The following VPS13D variants were observed in gnomAD, a reference collection of about 807,000 sequenced individuals.
VPS13D encodes the protein vacuolar protein sorting 13 homolog D.
Under a neutral mutation model 461.9 loss-of-function variants are expected in VPS13D, and 187 were observed. The observed-to-expected ratio is 0.40, with a 90% confidence interval of 0.36 to 0.46. The LOEUF (loss-of-function observed/expected upper bound fraction) is 0.46, where lower values mean the gene tolerates loss of function less well. VPS13D is among the 20% of genes least tolerant of loss of function. VPS13D has a pLI of 0.60. For missense variants in VPS13D, 4,711 were observed against 5,364.9 expected (o/e 0.88, Z 3.81); for synonymous variants, 1,951 against 1,986.3 (o/e 0.98, Z 0.47).
At chr1:12,428,471 T>A (rs1331738147) in intron 65 of VPS13D, among the ~76,000 whole-genome samples, 1 of 152,202 alleles carries the variant, frequency 6.6e-6, no homozygotes, top group Non-Finnish European at 1.5e-5. Context: ...AGGAGCCACA[T>A]TGGAGAAGTC....
rs765200049 is a variant in VPS13D, at chr1:12,378,578, G to T, written c.11068G>T (p.Val3690Leu). The T allele has an allele frequency of 6.3e-7, 1 of 1,581,002 alleles. No homozygotes were observed. The change falls in exon 56 of 70, where the codon GTG (valine) becomes TTG (leucine). Residue 3690 changes from valine (V) to leucine (L), a missense_variant. By Grantham distance (32) the Val-to-Leu change is conservative. This residue lies in a region of VPS13D where 4,411 missense variants were observed against 4,937.8 expected (regional missense o/e 0.89). Coordinates refer to ENST00000620676, the MANE Select transcript of VPS13D (RefSeq NM_015378.4). ...CTTAGATATTGCTGGTCTCGCTGCA[G>T]TGACTGACAACAGGTAATTTTCTAG... ...AILDIAGLAA[V>L]TDNRYEPLML...
chr1:12,291,475 C>A (rs953303932), intron 23 of VPS13D, among the ~76,000 whole-genome samples: 1 of 152,018 alleles, frequency 6.6e-6, no homozygotes, highest in Non-Finnish European at 1.5e-5. Context: ...AGAAAAAAGC[C>A]GTCTGTGTGT....
At chr1:12,250,327 G>C (rs868607343) in intron 6 of VPS13D, among the ~76,000 whole-genome samples, 1 of 152,144 alleles carries the variant, frequency 6.6e-6, no homozygotes, top group African/African-American at 2.4e-5. Flanking sequence ...CCTGTCTAGG[G>C]ACCCCAACAA....
intron 48 of VPS13D, 112 bp from the exon 49 acceptor site, chr1:12,356,286 A>G (rs1054558358): frequency 1.7e-5 from 25 of 1,437,046 alleles, no homozygotes; most frequent in Non-Finnish European, 2.3e-5. Flanking sequence ...AGCCCACTAA[A>G]TAGATTCAGT....
chr1:12,256,244 CTGTT>C, intron 7 of VPS13D, 85 bp from the exon 8 acceptor site: 1 of 1,455,822 alleles, frequency 6.9e-7, no homozygotes, highest in Non-Finnish European at 9.3e-7. Flanking sequence ...CTGAGCTCCA[CTGTT>C]TGTCATAAAA....
chr1:12,402,314 C>T (rs1314429983), intron 62 of VPS13D, among the ~76,000 whole-genome samples: 8 of 152,188 alleles, frequency 5.3e-5, no homozygotes, highest in Non-Finnish European at 1.0e-4. Flanking sequence ...TGCTTCTTTT[C>T]GATTCCTCAT....
chr1:12,302,403 A>G (rs1223085546), intron 25 of VPS13D, among the ~76,000 whole-genome samples: 1 of 152,172 alleles, frequency 6.6e-6, no homozygotes, highest in Non-Finnish European at 1.5e-5. Flanking sequence ...TATCAGATAT[A>G]TCTATGTATG....
chr1:12,332,028 A>G (rs1478007617), intron 37 of VPS13D, among the ~76,000 whole-genome samples: 1 of 152,226 alleles, frequency 6.6e-6, no homozygotes, highest in Non-Finnish European at 1.5e-5. Context: ...CATTTTTCAC[A>G]CCCAAGAGAT....
chr1:12,311,772 G>A, intron 28 of VPS13D, 41 bp from the exon 29 acceptor site: 3 of 1,593,010 alleles, frequency 1.9e-6, no homozygotes, highest in African/African-American at 1.3e-5. Flanking sequence ...TTTTAGGATG[G>A]CATCATCAGC....
At position 12,379,430 on chromosome 1, in the gene VPS13D, C is replaced by T. The variant is rs911210357; in HGVS notation, c.11082-58C>T. ...AAAGCCATCATCCTCATGTTCCCTT[C>T]AGGCGTGAAACAGTTGACTCGGAGG... is the stretch of plus-strand genomic sequence containing the variant. On this transcript the variant is annotated intron_variant, in intron 56 of 69. Coordinates refer to ENST00000620676, the MANE Select transcript of VPS13D (RefSeq NM_015378.4). 48 of 1,495,224 alleles carry T rather than the reference C, an allele frequency of 3.2e-5. No homozygotes were observed. In the African/African-American group the frequency reaches 6.5e-4, roughly 20 times the overall value. 92.6% of individuals were successfully genotyped at this position (1,495,224 alleles called of 1,614,324 possible). A position where few individuals can be genotyped will look rare whatever the true frequency, so the allele number is the denominator to read the frequency against.
In VPS13D at chr1:12,256,214, C is replaced by T. The variant is rs72864973; in HGVS notation, c.670-119C>T. Reference sequence around the variant, plus strand: ...AAACAAAACAGACAAAAATATTTGCCGCTGTGACACAGCCTATGGCTGAGC... The same window carrying T: ...AAACAAAACAGACAAAAATATTTGCTGCTGTGACACAGCCTATGGCTGAGC... On this transcript the variant is annotated intron_variant, in intron 7 of 69. Transcript: ENST00000620676. 1,055 of 1,131,666 alleles carry T rather than the reference C, an allele frequency of 9.3e-4. 10 individuals are homozygous for T. The African/African-American group carries it at 0.014, about 15-fold the overall frequency. 70.1% of individuals were successfully genotyped at this position (1,131,666 alleles called of 1,614,324 possible).
chr1:12,357,134 G>C (rs1438437393), intron 49 of VPS13D, among the ~76,000 whole-genome samples: 1 of 152,208 alleles, frequency 6.6e-6, no homozygotes, highest in Admixed American at 6.5e-5. Flanking sequence ...CTTTTTACAA[G>C]AGTCTTTTAA....
In VPS13D at chr1:12,368,490, T is replaced by C. The variant is rs1644070474; in HGVS notation, c.10471T>C (p.Phe3491Leu). 1.2e-6 allele frequency: 2 copies of C among 1,612,770 alleles called. No homozygotes were observed. The highest frequency in any genetic ancestry group is 1.7e-6 in the Non-Finnish European group (2 of 1,179,388). The change falls in exon 53 of 70, where the codon TTC becomes CTC. Residue 3491 changes from phenylalanine (F) to leucine (L), a missense_variant. Physicochemically the swap from Phe to Leu is conservative, Grantham distance 22. Around this residue, in one of 3 missense-constraint regions of VPS13D, gnomAD observed 4,411 missense variants for 4,937.8 expected, o/e 0.89. Transcript: ENST00000620676. ...NMRDTLGKCF[F>L]LRVEITLRGA... ...CAGGGATACCTTGGGAAAATGCTTCTTCCTACGAGTGGAAATTACTCTCCG... is the reference window on the plus strand; with the variant it reads ...CAGGGATACCTTGGGAAAATGCTTCCTCCTACGAGTGGAAATTACTCTCCG...
chr1:12,255,750 G>T (rs1252659624), intron 7 of VPS13D, among the ~76,000 whole-genome samples: 3 of 151,668 alleles, frequency 2.0e-5, no homozygotes, highest in Non-Finnish European at 4.4e-5. Context: ...AATTAGCTGG[G>T]CATGGGGGTG....
intron 33 of VPS13D, 86 bp downstream of exon 33, chr1:12,322,050 A>G: frequency 6.6e-7 from 1 of 1,521,464 alleles, no homozygotes; most frequent in Non-Finnish European, 8.9e-7. Flanking sequence ...GAGCCCAACA[A>G]CCTCTTTTTT....
In VPS13D at chr1:12,250,394, A is replaced by G. The variant is rs184952990; in HGVS notation, c.564+1055A>G. The stretch of plus-strand genomic sequence containing the variant: ...ATCATGAGGCTTTTTATGAACAACA[A>G]TGACACTCCTGTCAGGAACTTCCAA... On this transcript the variant is annotated intron_variant, in intron 6 of 69. Coordinates refer to ENST00000620676, the MANE Select transcript of VPS13D (RefSeq NM_015378.4). Among the ~76,000 whole-genome samples the G allele has an allele frequency of 4.6e-3, 705 of 152,314 alleles. 5 individuals are homozygous for G. Among genetic ancestry groups the G allele is most frequent in the Middle Eastern group, 0.024 (7 of 294 alleles).
intron 40 of VPS13D, among the ~76,000 whole-genome samples, 188 bp from the exon 41 acceptor site, chr1:12,341,592 A>C (rs926493637): frequency 1.3e-4 from 20 of 152,320 alleles, no homozygotes; most frequent in South Asian, 2.1e-4. Context: ...ATAGTCAGGC[A>C]GGGACCAAAT....
intron 20 of VPS13D, among the ~76,000 whole-genome samples, chr1:12,280,881 A>G (rs1387027163): frequency 1.3e-5 from 2 of 152,122 alleles, no homozygotes; most frequent in African/African-American, 4.8e-5. Context: ...TTCTTTAAAA[A>G]TAATTAAGAT....
At chr1:12,461,841 G>A (rs1645417020) in intron 67 of VPS13D, among the ~76,000 whole-genome samples, 2 of 152,148 alleles carry the variant, frequency 1.3e-5, no homozygotes, top group African/African-American at 2.4e-5. Flanking sequence ...AGAAAGAAAC[G>A]GCTTGAATTT....
Sources: allele counts gnomAD v4.1 joint callset (sites outside exome capture counted in the v4.1 genomes callset), GRCh38; gene constraint gnomAD v4.1.1; regional missense constraint gnomAD v4.1.1; transcripts MANE v1.5; gene names NCBI Gene and HGNC (gene_info 2026-07-23, HGNC 2026-07-21).